MAGI2: variants seen among roughly 807,000 people sequenced by gnomAD.
MAGI2 encodes membrane-associated guanylate kinase, WW and PDZ domain-containing protein 2.
In MAGI2, 35 loss-of-function variants were observed where a neutral mutation model predicts 133.3. That is an observed-to-expected ratio of 0.26 (90% confidence interval 0.20 to 0.35). The LOEUF (loss-of-function observed/expected upper bound fraction) is 0.35. MAGI2 is among the 10% of genes least tolerant of loss of function. The probability of loss-of-function intolerance (pLI) is 1.00; values close to 1 mark genes in which losing one functional copy is unlikely to be tolerated. For missense variants in MAGI2, 1,636 were observed against 1,863.4 expected, an observed-to-expected ratio of 0.88 and a Z score of 2.25; for synonymous variants, 729 against 710.6, an observed-to-expected ratio of 1.03 and a Z score of -0.41.
intron 21 of MAGI2, among the ~76,000 whole-genome samples, chr7:78,042,731 A>C (rs1435392605): frequency 6.6e-6 from 1 of 152,224 alleles, no homozygotes; most frequent in Non-Finnish European, 1.5e-5. Flanking sequence ...TGGCCTGCCA[A>C]AAAAGACCTA....
chr7:79,286,673 C>G (rs534796430), intron 1 of MAGI2, among the ~76,000 whole-genome samples: 7 of 151,950 alleles, frequency 4.6e-5, no homozygotes, highest in Non-Finnish European at 1.0e-4. Context: ...TAAACTGAAC[C>G]TTTGTTGAGG....
chr7:79,028,084 C>A (rs939460964), intron 1 of MAGI2, among the ~76,000 whole-genome samples: 3 of 151,188 alleles, frequency 2.0e-5, no homozygotes, highest in African/African-American at 2.4e-5. Flanking sequence ...TGGTGGCATG[C>A]GCCTGTAGTC....
At chr7:78,091,048 GTGTA>G (rs151074279) in intron 20 of MAGI2, among the ~76,000 whole-genome samples, 31 of 106,500 alleles carry the variant, frequency 2.9e-4, no homozygotes, top group Non-Finnish European at 5.6e-4. Flanking sequence ...GTGTATGTGT[GTGTA>G]TGTGTGTGTG....
At chr7:78,217,055 A>T (rs932619819) in intron 10 of MAGI2, among the ~76,000 whole-genome samples, 1 of 152,184 alleles carries the variant, frequency 6.6e-6, no homozygotes, top group Non-Finnish European at 1.5e-5. Flanking sequence ...TTTAATAAGG[A>T]CACAAGTTCT....
chr7:78,652,719 G>T (rs1294550803), intron 2 of MAGI2, among the ~76,000 whole-genome samples: 2 of 152,058 alleles, frequency 1.3e-5, no homozygotes, highest in South Asian at 2.1e-4. Context: ...CAGGACATAG[G>T]CATGGGCAAA....
chr7:78,639,346 A>G, intron 2 of MAGI2, among the ~76,000 whole-genome samples: 1 of 151,986 alleles, frequency 6.6e-6, no homozygotes, highest in Non-Finnish European at 1.5e-5. Context: ...GTGATCAACT[A>G]TTTTTTTTAT....
At chr7:78,983,467 G>A (rs1279339448) in intron 2 of MAGI2, among the ~76,000 whole-genome samples, 2 of 151,860 alleles carry the variant, frequency 1.3e-5, no homozygotes, top group Non-Finnish European at 2.9e-5. Flanking sequence ...TCTCTTTGGG[G>A]ATATTACAAT....
At chr7:79,266,038 C>G (rs891264594) in intron 1 of MAGI2, among the ~76,000 whole-genome samples, 17 of 152,190 alleles carry the variant, frequency 1.1e-4, no homozygotes, top group Middle Eastern at 3.4e-3. Flanking sequence ...ATTTATTTAT[C>G]TATTAACACC....
intron 2 of MAGI2, among the ~76,000 whole-genome samples, chr7:78,885,507 A>G (rs1472479562): frequency 6.6e-6 from 1 of 152,114 alleles, no homozygotes; most frequent in Non-Finnish European, 1.5e-5. Flanking sequence ...CAGATATTGT[A>G]CATGAACTTT....
chr7:78,875,180 G>A (rs1269024301), intron 2 of MAGI2, among the ~76,000 whole-genome samples: 2 of 152,122 alleles, frequency 1.3e-5, no homozygotes, highest in African/African-American at 2.4e-5. Context: ...AGAAAAAATA[G>A]GCAGGATAAT....
chr7:79,337,247 C>T (rs906529491), intron 1 of MAGI2, among the ~76,000 whole-genome samples: 13 of 152,070 alleles, frequency 8.5e-5, no homozygotes, highest in Non-Finnish European at 1.5e-4. Context: ...AGTTTCCAAG[C>T]GATCTTTTTA....
intron 3 of MAGI2, among the ~76,000 whole-genome samples, chr7:78,531,732 C>A (rs1370854677): frequency 6.6e-6 from 1 of 152,166 alleles, no homozygotes; most frequent in Non-Finnish European, 1.5e-5. Flanking sequence ...TCTCACACAA[C>A]ATTTATAGCT....
rs547640917 is a variant in MAGI2, at chr7:78,192,043, C to T, written c.2269+2831G>A. Among the ~76,000 whole-genome samples the T allele has an allele frequency of 9.9e-5, 15 of 152,196 alleles. No homozygotes were observed. In the South Asian group the frequency reaches 2.9e-3, roughly 29 times the overall value. The stretch of plus-strand genomic sequence containing the variant: ...CAGCTCAGGCTTGTGGGTGGAGGGG[C>T]GTCTTTTTATTTGGCAACTGCAACC... On this transcript the variant is annotated intron_variant, in intron 12 of 21. Transcript: ENST00000354212.
intron 2 of MAGI2, among the ~76,000 whole-genome samples, chr7:78,859,828 G>C (rs1177708562): frequency 6.6e-6 from 1 of 152,204 alleles, no homozygotes; most frequent in Non-Finnish European, 1.5e-5. Flanking sequence ...GTATCCTGAA[G>C]AGTGTTTTCC....
At chr7:79,044,822 C>T (rs1196766748) in intron 1 of MAGI2, among the ~76,000 whole-genome samples, 3 of 152,110 alleles carry the variant, frequency 2.0e-5, no homozygotes, top group South Asian at 2.1e-4. Flanking sequence ...ACAGTCACAG[C>T]AGCCAGTATA....
chr7:78,402,490 T>G (rs534042380), intron 6 of MAGI2, among the ~76,000 whole-genome samples: 3 of 152,178 alleles, frequency 2.0e-5, no homozygotes, highest in African/African-American at 7.2e-5. Context: ...CATGTGTCAG[T>G]CCCATTCTTT....
At chr7:78,556,911 A>G (rs1255333961) in intron 3 of MAGI2, among the ~76,000 whole-genome samples, 1 of 135,212 alleles carries the variant, frequency 7.4e-6, no homozygotes, top group Non-Finnish European at 1.6e-5. Context: ...ACATGGTGAA[A>G]CCCCGTCTCT....
chr7:78,167,868 A>T, intron 15 of MAGI2, 48 bp downstream of exon 15: 1 of 1,559,900 alleles, frequency 6.4e-7, no homozygotes, highest in Non-Finnish European at 8.8e-7. Context: ...TCACAAAAGC[A>T]TCTTACCACC....
intron 3 of MAGI2, among the ~76,000 whole-genome samples, chr7:78,527,989 C>G (rs530096625): frequency 1.2e-5 from 1 of 80,248 alleles, no homozygotes; most frequent in Non-Finnish European, 2.5e-5. Context: ...ATTCTCAGTC[C>G]TTTTTTCCCC....
Sources: gnomAD v4.1 joint callset for allele counts (sites outside exome capture counted in the v4.1 genomes callset) on GRCh38, gnomAD v4.1.1 for gene constraint, MANE v1.5 for transcripts, NCBI Gene and HGNC (gene_info 2026-07-23, HGNC 2026-07-21) for gene names.